The following REM1 variants were observed in gnomAD, a reference collection of about 807,000 sequenced individuals.
REM1 encodes the protein RRAD and GEM like GTPase 1.
A neutral mutation model predicts 27.0 loss-of-function variants in REM1; 20 were observed. The observed-to-expected ratio is 0.74, with a 90% CI of 0.52 to 1.08. The LOEUF (loss-of-function observed/expected upper bound fraction) is 1.08, where lower values mean the gene tolerates loss of function less well. Ranked by LOEUF, REM1 falls within the 50% of genes least tolerant of loss-of-function variation. The probability of loss-of-function intolerance (pLI) is 0.00; values close to 1 mark genes in which losing one functional copy is unlikely to be tolerated. For missense variants in REM1, 405 were observed against 407.0 expected, an observed-to-expected ratio of 1.00 and a Z score of 0.04; for synonymous variants, 159 against 167.9, an observed-to-expected ratio of 0.95 and a Z score of 0.41.
At chr20:31,477,374 A>G (rs1568761483) in intron 2 of REM1, among the ~76,000 whole-genome samples, 1 of 152,186 alleles carries the variant, frequency 6.6e-6, no homozygotes, top group Admixed American at 6.5e-5. Flanking sequence ...AAAAGGACAT[A>G]GGGTGAGTGG....
At chr20:31,477,780 T>G (rs1272458374) in intron 2 of REM1, 48 bp from the exon 3 acceptor site, 1 of 1,467,704 alleles carries the variant, frequency 6.8e-7, no homozygotes. Context: ...CCACACTCTC[T>G]CAGGCTTGCC....
At position 31,476,350 on chromosome 20, in the gene REM1, A is replaced by C; in HGVS notation, c.-96A>C. ...AAGCCATACAGCAGCTCATCAGGAC[A>C]CTATAGAAAGAAGCAGCTCAAAGCA... On this transcript the variant is annotated 5_prime_UTR_variant, in exon 2 of 5. Transcript: ENST00000201979. The C allele has an allele frequency of 1.0e-6, 1 of 972,390 alleles. No homozygotes were observed. The highest frequency in any genetic ancestry group is 1.6e-6 in the Non-Finnish European group (1 of 637,698). The allele number at this position is 972,390 out of a possible 1,614,324, so 60.2% of individuals were successfully genotyped here. A position where few individuals can be genotyped will look rare whatever the true frequency, so the allele number is the denominator to read the frequency against.
At chr20:31,476,855 C>A in intron 2 of REM1, 70 bp downstream of exon 2, 2 of 1,302,332 alleles carry the variant, frequency 1.5e-6, no homozygotes, top group Non-Finnish European at 2.1e-6. Context: ...GGACACAGGG[C>A]TGCCAAGAAC....
In REM1 at chr20:31,484,512, G is replaced by A; in HGVS notation, c.*82G>A. ...GACGCCACTGCGGGGCAAAGGCGCC[G>A]TTACCTGGAGTCTGCATCATGGGTC... On this transcript the variant is annotated 3_prime_UTR_variant, in exon 5 of 5. Coordinates refer to ENST00000201979, the MANE Select transcript of REM1 (RefSeq NM_014012.6). 1.4e-6 allele frequency: 2 copies of A among 1,401,672 alleles called. No homozygotes were observed. The highest frequency in any genetic ancestry group is 9.3e-7 in the Non-Finnish European group (1 of 1,069,528). The allele number at this position is 1,401,672 out of a possible 1,614,324, so 86.8% of individuals were successfully genotyped here.
Position 31,484,534 on chromosome 20 carries a change from G to A in REM1, c.*104G>A. 1 of 1,341,108 alleles carries A rather than the reference G, an allele frequency of 7.5e-7. No homozygotes were observed. The highest frequency in any genetic ancestry group is 9.8e-7 in the Non-Finnish European group (1 of 1,022,590). The allele number at this position is 1,341,108 out of a possible 1,614,324, so 83.1% of individuals were successfully genotyped here. A position where few individuals can be genotyped will look rare whatever the true frequency, so the allele number is the denominator to read the frequency against. On this transcript the variant is annotated 3_prime_UTR_variant, in exon 5 of 5. Coordinates refer to ENST00000201979, the MANE Select transcript of REM1 (RefSeq NM_014012.6). ...GCCGTTACCTGGAGTCTGCATCATG[G>A]GTCTTGCTTGCCTGCTGCCCTGATG...
chr20:31,480,397 C>T (rs919309136), intron 3 of REM1, among the ~76,000 whole-genome samples: 1 of 152,080 alleles, frequency 6.6e-6, no homozygotes, highest in African/African-American at 2.4e-5. Flanking sequence ...GATCTCAGCT[C>T]ACTGTAACCT....
chr20:31,484,276 G>A lies in REM1; in HGVS notation c.743G>A (p.Arg248Gln). 4 of 1,593,062 alleles carry A rather than the reference G, an allele frequency of 2.5e-6. No individual in the cohort carries two copies. The highest frequency in any genetic ancestry group is 3.4e-6 in the Non-Finnish European group (4 of 1,170,836). ...GTGCGCCAACTGCGCTTGCGCCGCC[G>A]GGACAGTGCGGCCAAGGAACCCCCA... Reference protein sequence around the residue: ...GVVRQLRLRRRDSAAKEPPAP... With the variant: ...GVVRQLRLRRQDSAAKEPPAP... The change falls in exon 5 of 5, where the codon CGG becomes CAG. Residue 248 changes from arginine to glutamine, a missense_variant. By Grantham distance (43) the Arg-to-Gln change is conservative. Coordinates refer to ENST00000201979, the MANE Select transcript of REM1 (RefSeq NM_014012.6).
In REM1 at chr20:31,475,539, C is replaced by A. The variant is rs2233826; in HGVS notation, c.-220+173C>A. ...AGGGCTGGATAGCCCTGGACAAAGA[C>A]CCCTCCAACCCCAGGATGGGGGATT... On this transcript the variant is annotated intron_variant, in intron 1 of 4. Transcript: ENST00000201979. This position sits in a 1 kb window ranked among gnomAD's most constrained non-coding sequence, Gnocchi z 5.0. Among the ~76,000 whole-genome samples the A allele has an allele frequency of 0.071, 10,806 of 152,322 alleles. 447 individuals are homozygous for A. Among genetic ancestry groups the A allele is most frequent in the Non-Finnish European group, 0.092 (6,254 of 68,008 alleles).
In REM1 at chr20:31,484,391, G is replaced by A; in HGVS notation, c.858G>A (p.Lys286=). ...TARSARRRAL[K]ARSKSCHNLA... is the part of the protein sequence containing the mutation. ...GCAGCGCACGCCGCCGGGCACTCAA[G>A]GCCCGCTCCAAGTCCTGCCACAATC... Residue 286 remains lysine, a synonymous_variant, in exon 5 of 5, where the codon AAG becomes AAA. Coordinates refer to ENST00000201979, the MANE Select transcript of REM1 (RefSeq NM_014012.6). The A allele has an allele frequency of 1.3e-6, 2 of 1,546,996 alleles. No individual in the cohort carries two copies. The highest frequency in any genetic ancestry group is 2.0e-5 in the Admixed American group (1 of 50,576).
intron 3 of REM1, among the ~76,000 whole-genome samples, chr20:31,479,979 CT>C (rs1980659497): frequency 6.6e-6 from 1 of 152,048 alleles, no homozygotes; most frequent in Non-Finnish European, 1.5e-5. Flanking sequence ...ATCCCAGCTA[CT>C]CAGGAGGCTA....
rs758947956 is a variant in REM1 at position 31,476,516 on chromosome 20, C to T, written c.71C>T (p.Ser24Phe). ...HRRASTPLPL[S>F]PRGHQPGRLS... is the part of the protein sequence containing the mutation. ...CGAGCCAGCACCCCACTGCCCCTGT[C>T]CCCACGGGGCCACCAGCCTGGCCGC... Residue 24 changes from serine to phenylalanine, a missense_variant, in exon 2 of 5, where the codon TCC becomes TTC. Physicochemically the swap from Ser to Phe is radical, Grantham distance 155. Coordinates refer to ENST00000201979, the MANE Select transcript of REM1 (RefSeq NM_014012.6). The T allele has an allele frequency of 2.3e-5, 37 of 1,613,760 alleles. No individual in the cohort carries two copies. The Middle Eastern group carries it at 9.9e-4, about 43-fold the overall frequency.
chr20:31,478,000 G>C, intron 3 of REM1, 90 bp downstream of exon 3: 1 of 810,982 alleles, frequency 1.2e-6, no homozygotes. Flanking sequence ...CTACAGATCA[G>C]GTGTGAGCAA....
rs929610483 is a variant in REM1, at chr20:31,475,709, G to A, written c.-220+343G>A. 2.0e-5 allele frequency among the ~76,000 whole-genome samples: 3 copies of A among 152,164 alleles called. No homozygotes were observed. The highest frequency in any genetic ancestry group is 7.2e-5 in the African/African-American group (3 of 41,434). Reference sequence around the variant, plus strand: ...TGGGGCCTGACCGGCGGCAGCTCCCGTCCCCAAAAGCAGTTGGAGGCCGTA... The same window carrying A: ...TGGGGCCTGACCGGCGGCAGCTCCCATCCCCAAAAGCAGTTGGAGGCCGTA... On this transcript the variant is annotated intron_variant, in intron 1 of 4. Transcript: ENST00000201979. This position sits in a 1 kb window ranked among gnomAD's most constrained non-coding sequence, Gnocchi z 5.0.
intron 3 of REM1, among the ~76,000 whole-genome samples, chr20:31,481,561 C>G (rs1198644420): frequency 6.6e-6 from 1 of 152,116 alleles, no homozygotes; most frequent in African/African-American, 2.4e-5. Flanking sequence ...TCCATAAGCT[C>G]TCTTCCAGAC....
At chr20:31,481,042 G>A (rs1980712030) in intron 3 of REM1, among the ~76,000 whole-genome samples, 1 of 152,128 alleles carries the variant, frequency 6.6e-6, no homozygotes, top group African/African-American at 2.4e-5. Context: ...GGAGGCCGAG[G>A]TGGGTGGATC....
rs1980468093 is a variant in REM1 at position 31,475,638 on chromosome 20, T to A, written c.-220+272T>A. 6.6e-6 allele frequency among the ~76,000 whole-genome samples: 1 copy of A among 152,116 alleles called. No homozygotes were observed. The highest frequency in any genetic ancestry group is 6.5e-5 in the Admixed American group (1 of 15,284). On this transcript the variant is annotated intron_variant, in intron 1 of 4. Coordinates refer to ENST00000201979, the MANE Select transcript of REM1 (RefSeq NM_014012.6). This position sits in a 1 kb window ranked among gnomAD's most constrained non-coding sequence, Gnocchi z 5.0. ...GGCACAGCGTTCCCGGGCCCTGTGG[T>A]CTGCCCTCCCCGTCCCCTGCCAGGA...
At position 31,476,273 on chromosome 20, in the gene REM1, A is replaced by G. The variant is rs1053555482; in HGVS notation, c.-173A>G. 6.8e-6 allele frequency: 4 copies of G among 591,602 alleles called. No individual in the cohort carries two copies. The highest frequency in any genetic ancestry group is 3.4e-5 in the Admixed American group (1 of 29,030). 36.6% of individuals were successfully genotyped at this position (591,602 alleles called of 1,614,324 possible). A position where few individuals can be genotyped will look rare whatever the true frequency, so the allele number is the denominator to read the frequency against. On this transcript the variant is annotated 5_prime_UTR_variant, in exon 2 of 5. Transcript: ENST00000201979. Reference sequence around the variant, plus strand: ...AGAAAACCTAGGGACTTTCTGCCCCAAGAAGCTGAGGCACCTCCTACTCCC... The same window carrying G: ...AGAAAACCTAGGGACTTTCTGCCCCGAGAAGCTGAGGCACCTCCTACTCCC...
rs781374050 is a variant in REM1, at chr20:31,482,318, A to AG, written c.461dup (p.Ser155GlnfsTer16). ...AGCTGGAGCCAGGAGTCATGCCTGC[A>AG]GGGGGGCAGTGCCTATGTCATCGTA... On this transcript the variant is annotated frameshift_variant, in exon 4 of 5. Transcript: ENST00000201979. LOFTEE classifies it high-confidence loss of function. 205 of 1,613,974 alleles carry AG rather than the reference A, an allele frequency of 1.3e-4. No individual in the cohort carries two copies. Among genetic ancestry groups the AG allele is most frequent in the Non-Finnish European group, 1.7e-4 (199 of 1,180,018 alleles).
chr20:31,478,098 C>T (rs1425325927), intron 3 of REM1, among the ~76,000 whole-genome samples, 188 bp downstream of exon 3: 1 of 152,104 alleles, frequency 6.6e-6, no homozygotes, highest in Non-Finnish European at 1.5e-5. Context: ...ACCCTGACCC[C>T]TTTTCTCACT....
Sources: allele counts gnomAD v4.1 joint callset (sites outside exome capture counted in the v4.1 genomes callset), GRCh38; gene constraint gnomAD v4.1.1; non-coding constraint Gnocchi (gnomAD v3.1); transcripts MANE v1.5; gene names NCBI Gene and HGNC (gene_info 2026-07-23, HGNC 2026-07-21).